Variants in ABCC11 observed in about 807,000 individuals in gnomAD.
ABCC11 encodes ATP binding cassette subfamily C member 11.
ABCC11 carries 135 observed loss-of-function variants against 149.3 expected under a neutral mutation model. The observed-to-expected ratio is 0.90, with a 90% CI of 0.79 to 1.04. The LOEUF (loss-of-function observed/expected upper bound fraction) is 1.04. Among genes scored for constraint, ABCC11 ranks in the 50% least tolerant of loss-of-function variants. The pLI is 0.00. For synonymous variants in ABCC11, 665 were observed against 671.4 expected, an observed-to-expected ratio of 0.99 and a Z score of 0.15; for missense variants, 1,680 against 1,722.1, an observed-to-expected ratio of 0.98 and a Z score of 0.43.
At chr16:48,175,832 G>A (rs1053433506) in intron 25 of ABCC11, among the ~76,000 whole-genome samples, 8 of 150,142 alleles carry the variant, frequency 5.3e-5, no homozygotes, top group African/African-American at 9.8e-5. Context: ...GGAGCTGAGC[G>A]CAGCCACTTG....
rs773517210 is a variant in ABCC11, at chr16:48,216,207, T to A, written c.858A>T (p.Ala286=). 7 of 1,613,828 alleles carry A rather than the reference T, an allele frequency of 4.3e-6. No homozygotes were observed. The Admixed American group carries it at 1.2e-4, about 27-fold the overall frequency. ...CYGPLVLITC[A]SLVICSISSY... Reference sequence around the variant, plus strand: ...AAGAAATGCTGCAGATGACCAGCGATGCGCAGGTGATCAGTACTAGGGGTC... The same window carrying A: ...AAGAAATGCTGCAGATGACCAGCGAAGCGCAGGTGATCAGTACTAGGGGTC... The change falls in exon 7 of 30, where the codon GCA becomes GCT. Residue 286 remains alanine, a synonymous_variant. Coordinates refer to ENST00000356608, the MANE Select transcript of ABCC11 (RefSeq NM_001370497.1).
At chr16:48,168,677 G>A (rs115846046) in intron 28 of ABCC11, among the ~76,000 whole-genome samples, 12,100 of 152,118 alleles carry the variant, frequency 0.08, 510 homozygotes, top group African/African-American at 0.11. Context: ...GCCCTGTTCC[G>A]CCAAATTTTT....
intron 9 of ABCC11, among the ~76,000 whole-genome samples, chr16:48,214,239 C>A (rs1035286299): frequency 1.3e-5 from 2 of 151,924 alleles, no homozygotes; most frequent in Admixed American, 6.6e-5. Context: ...TGAAAGTATT[C>A]CTTCTATAGC....
intron 6 of ABCC11, among the ~76,000 whole-genome samples, chr16:48,218,337 G>A (rs2150884410): frequency 6.6e-6 from 1 of 152,062 alleles, no homozygotes; most frequent in Non-Finnish European, 1.5e-5. Context: ...GGCAATCTTG[G>A]GTCCTAGAGC....
chr16:48,245,646 G>GT (rs1567302560), intron 1 of ABCC11, among the ~76,000 whole-genome samples: 1 of 152,102 alleles, frequency 6.6e-6, no homozygotes, highest in Non-Finnish European at 1.5e-5. Context: ...TAAATGTGCT[G>GT]TAAGTGTACA....
chr16:48,167,726 G>T (rs1306108226), intron 28 of ABCC11, 66 bp from the exon 29 acceptor site: 1 of 1,551,812 alleles, frequency 6.4e-7, no homozygotes. Flanking sequence ...TCTAGCCCTG[G>T]TTTACCACTA....
rs149119656 is a variant in ABCC11, at chr16:48,193,957, G to A, written c.2430C>T (p.Phe810=). 3.1e-6 allele frequency: 5 copies of A among 1,613,588 alleles called. No homozygotes were observed. The highest frequency in any genetic ancestry group is 1.1e-5 in the South Asian group (1 of 91,046). The part of the protein sequence containing the change: ...AGGYMVSCII[F]FFVVLIVFLT... ...AGAAGACGATCAGCACCACGAAGAA[G>A]AAAATTATGCAAGAGACCATGTAAC... The change falls in exon 19 of 30, where the codon TTC becomes TTT. Residue 810 remains phenylalanine, a synonymous_variant. Coordinates refer to ENST00000356608, the MANE Select transcript of ABCC11 (RefSeq NM_001370497.1).
At chr16:48,243,063 T>A (rs111465091) in intron 1 of ABCC11, among the ~76,000 whole-genome samples, 19,704 of 147,398 alleles carry the variant, frequency 0.13, 1,587 homozygotes, top group African/African-American at 0.24. Flanking sequence ...AAAATAAAAT[T>A]AAATTAAAAA....
At chr16:48,171,614 G>A (rs1965728646) in intron 26 of ABCC11, among the ~76,000 whole-genome samples, 1 of 152,220 alleles carries the variant, frequency 6.6e-6, no homozygotes, top group Non-Finnish European at 1.5e-5. Context: ...CAATTCAGCA[G>A]CATTAAATAC....
intron 5 of ABCC11, 109 bp downstream of exon 5, chr16:48,224,173 A>C (rs1182240690): frequency 7.2e-7 from 1 of 1,392,574 alleles, no homozygotes; most frequent in East Asian, 2.3e-5. Flanking sequence ...CAGCAACTGA[A>C]AGACAAATGC....
intron 20 of ABCC11, among the ~76,000 whole-genome samples, chr16:48,189,006 C>T (rs879274346): frequency 8.5e-5 from 13 of 152,234 alleles, no homozygotes; most frequent in Non-Finnish European, 1.3e-4. Context: ...GCTGACCAAG[C>T]GTAGCTCTCA....
At chr16:48,222,534 G>T in intron 6 of ABCC11, 64 bp downstream of exon 6, 1 of 1,406,246 alleles carries the variant, frequency 7.1e-7, no homozygotes, top group Non-Finnish European at 1.0e-6. Context: ...TGGCCCCCAG[G>T]GCAGTTATGT....
intron 6 of ABCC11, among the ~76,000 whole-genome samples, chr16:48,220,526 A>C (rs1281687749): frequency 6.6e-6 from 1 of 152,206 alleles, no homozygotes; most frequent in Non-Finnish European, 1.5e-5. Flanking sequence ...CTCAAGGCCT[A>C]ATGGAAACTA....
At chr16:48,194,574 T>A (rs1292487928) in intron 18 of ABCC11, among the ~76,000 whole-genome samples, 3 of 152,208 alleles carry the variant, frequency 2.0e-5, no homozygotes, top group Non-Finnish European at 4.4e-5. Flanking sequence ...GGTGATGGTA[T>A]TAGAAAGTGA....
In ABCC11 at chr16:48,224,349, TG is replaced by T. The variant is rs774269795; in HGVS notation, c.475del (p.Gln159ArgfsTer5). 3 of 1,614,062 alleles carry T rather than the reference TG, an allele frequency of 1.9e-6. No individual in the cohort carries two copies. The African/African-American group carries it at 4.0e-5, about 22-fold the overall frequency. ...TGCATCGAAAATCAACCTTGTTCTCTGGAACCTCAGCATCACCAGAAGCACT... is the reference window on the plus strand; with the variant it reads ...TGCATCGAAAATCAACCTTGTTCTCTGAACCTCAGCATCACCAGAAGCACT... ...ASVLLVMLRF[Q>X]RTRLIFDALL... On this transcript the variant is annotated frameshift_variant, in exon 5 of 30. Coordinates refer to ENST00000356608, the MANE Select transcript of ABCC11 (RefSeq NM_001370497.1). LOFTEE classifies it high-confidence loss of function.
At chr16:48,170,589 A>G (rs750366231) in intron 27 of ABCC11, among the ~76,000 whole-genome samples, 34 of 152,182 alleles carry the variant, frequency 2.2e-4, no homozygotes, top group Non-Finnish European at 3.7e-4. Context: ...ATCTGAAAGT[A>G]TCTCCTGCAT....
chr16:48,244,651 GGGC>G, intron 1 of ABCC11: 1 of 1,319,900 alleles, frequency 7.6e-7, no homozygotes, highest in Non-Finnish European at 9.7e-7. Context: ...CGGCGGCGGC[GGGC>G]GGCGCGGCCT....
intron 1 of ABCC11, among the ~76,000 whole-genome samples, chr16:48,238,953 A>C (rs1207511428): frequency 6.6e-6 from 1 of 151,060 alleles, no homozygotes; most frequent in Non-Finnish European, 1.5e-5. Context: ...AAAAAAAAAA[A>C]AAAAAACCAT....
At chr16:48,239,334 G>A (rs375175016) in intron 1 of ABCC11, among the ~76,000 whole-genome samples, 2 of 151,876 alleles carry the variant, frequency 1.3e-5, no homozygotes, top group African/African-American at 2.4e-5. Flanking sequence ...AGGCTGAGGC[G>A]GGCGGATCAC....
Sources: gnomAD v4.1 joint callset for allele counts (sites outside exome capture counted in the v4.1 genomes callset) on GRCh38, gnomAD v4.1.1 for gene constraint, MANE v1.5 for transcripts, NCBI Gene and HGNC (gene_info 2026-07-23, HGNC 2026-07-21) for gene names.